The following ARHGAP19 variants were observed in gnomAD, a reference collection of about 807,000 sequenced individuals.
ARHGAP19 encodes the protein Rho GTPase activating protein 19.
In ARHGAP19, 48 loss-of-function variants were observed where a neutral mutation model predicts 60.9. That is an observed-to-expected ratio of 0.79 (90% CI 0.62 to 1.00). The LOEUF (loss-of-function observed/expected upper bound fraction) is 1.00, where lower values mean the gene tolerates loss of function less well. ARHGAP19 is among the 50% of genes least tolerant of loss of function. The probability of loss-of-function intolerance (pLI) is 0.00; values close to 1 mark genes in which losing one functional copy is unlikely to be tolerated. For synonymous variants in ARHGAP19, 209 were observed against 215.5 expected (o/e 0.97, Z 0.27); for missense variants, 562 against 597.2 (o/e 0.94, Z 0.61).
chr10:97,288,439 G>A (rs1463381487), intron 1 of ARHGAP19, among the ~76,000 whole-genome samples: 2 of 151,796 alleles, frequency 1.3e-5, no homozygotes, highest in African/African-American at 4.8e-5. Context: ...AATTAGTTGA[G>A]CGTGCTGGCA....
At chr10:97,268,306 T>C (rs1241368261) in intron 1 of ARHGAP19, among the ~76,000 whole-genome samples, 1 of 152,198 alleles carries the variant, frequency 6.6e-6, no homozygotes, top group Admixed American at 6.5e-5. Flanking sequence ...TCAAAGCTAT[T>C]CAACAAGTCT....
chr10:97,288,916 G>A (rs1352870798), intron 1 of ARHGAP19, among the ~76,000 whole-genome samples: 1 of 145,378 alleles, frequency 6.9e-6, no homozygotes, highest in Non-Finnish European at 1.5e-5. Context: ...CCGGATTCAA[G>A]CGATTCTCCT....
rs747383967 is a variant in ARHGAP19 at position 97,256,281 on chromosome 10, T to G, written c.927+37A>C. The G allele has an allele frequency of 1.1e-5, 17 of 1,500,166 alleles. No homozygotes were observed. In the East Asian group the frequency reaches 3.8e-4, roughly 34 times the overall value. 92.9% of individuals were successfully genotyped at this position (1,500,166 alleles called of 1,614,324 possible). A position where few individuals can be genotyped will look rare whatever the true frequency, so the allele number is the denominator to read the frequency against. Reference sequence around the variant, plus strand: ...AGGATCCCACCTTGCTCCATTTTCTTTGTCCTGTTACCAGCCAAATGCTAT... The same window carrying G: ...AGGATCCCACCTTGCTCCATTTTCTGTGTCCTGTTACCAGCCAAATGCTAT... On this transcript the variant is annotated intron_variant, in intron 6 of 11. Coordinates refer to ENST00000358531, the MANE Select transcript of ARHGAP19 (RefSeq NM_032900.6).
chr10:97,263,941 A>C (rs2134886658), intron 3 of ARHGAP19, among the ~76,000 whole-genome samples: 1 of 152,270 alleles, frequency 6.6e-6, no homozygotes, highest in East Asian at 1.9e-4. Context: ...TTGAAAAATA[A>C]ACTTTAAAAA....
rs373523293 is a variant in ARHGAP19 at position 97,240,497 on chromosome 10, C to CA, written c.1185+3470dup. ...CATAATCCCGTCTCTACTAAAAATA[C>CA]AAAATTAGCCAGGCATGGTGGTGCT... On this transcript the variant is annotated intron_variant, in intron 8 of 11. Coordinates refer to ENST00000358531, the MANE Select transcript of ARHGAP19 (RefSeq NM_032900.6). Among the ~76,000 whole-genome samples, 423 of 152,236 alleles carry CA rather than the reference C, an allele frequency of 2.8e-3. 2 individuals carry two copies. The highest frequency in any genetic ancestry group is 9.0e-3 in the African/African-American group (372 of 41,556).
At chr10:97,234,514 A>G (rs573243525) in intron 9 of ARHGAP19, among the ~76,000 whole-genome samples, 1 of 151,968 alleles carries the variant, frequency 6.6e-6, no homozygotes, top group Non-Finnish European at 1.5e-5. Context: ...TATAGCACTC[A>G]TCTCTCTCCA....
chr10:97,252,164 C>G (rs769559541), intron 6 of ARHGAP19, among the ~76,000 whole-genome samples: 5 of 151,934 alleles, frequency 3.3e-5, no homozygotes, highest in Admixed American at 6.6e-5. Flanking sequence ...AGGAACATAG[C>G]AAGACCTCAT....
chr10:97,286,327 C>G (rs575853772), intron 1 of ARHGAP19, among the ~76,000 whole-genome samples: 1 of 152,356 alleles, frequency 6.6e-6, no homozygotes, highest in African/African-American at 2.4e-5. Context: ...CACGGTGGCT[C>G]ACACCTGTAA....
intron 1 of ARHGAP19, among the ~76,000 whole-genome samples, chr10:97,281,879 C>CT (rs1843090145): frequency 6.6e-6 from 1 of 152,072 alleles, no homozygotes; most frequent in African/African-American, 2.4e-5. Context: ...ACTTAAGGTG[C>CT]TTTTTGGTTT....
In ARHGAP19 at chr10:97,244,186, A is replaced by G. The variant is rs758338795; in HGVS notation, c.994-27T>C. ...TAAGGAAAATTTAAAAGAAGAGTAA[A>G]TTAATATATCCTGCCAACTTTGTTT... is the stretch of plus-strand genomic sequence containing the variant. On this transcript the variant is annotated intron_variant, in intron 7 of 11. Coordinates refer to ENST00000358531, the MANE Select transcript of ARHGAP19 (RefSeq NM_032900.6). 3.2e-6 allele frequency: 5 copies of G among 1,556,234 alleles called. No individual in the cohort carries two copies. In the South Asian group the frequency reaches 4.8e-5, roughly 15 times the overall value.
At chr10:97,270,224 T>A (rs1304693708) in intron 1 of ARHGAP19, among the ~76,000 whole-genome samples, 1 of 152,244 alleles carries the variant, frequency 6.6e-6, no homozygotes, top group Non-Finnish European at 1.5e-5. Flanking sequence ...TGTCACACTT[T>A]AATTTCCTTA....
intron 10 of ARHGAP19, 71 bp from the exon 11 acceptor site, chr10:97,229,296 A>G: frequency 8.0e-7 from 1 of 1,245,060 alleles, no homozygotes; most frequent in South Asian, 1.2e-5. Context: ...TTACTAACAA[A>G]TGAATTATTT....
In ARHGAP19 at chr10:97,229,773, A is replaced by G. The variant is rs1296583173; in HGVS notation, c.1386T>C (p.Asn462=). The G allele has an allele frequency of 6.2e-7, 1 of 1,600,534 alleles. No homozygotes were observed. Among genetic ancestry groups the G allele is most frequent in the Non-Finnish European group, 8.6e-7 (1 of 1,169,444 alleles). The change falls in exon 10 of 12, where the codon AAT becomes AAC. Residue 462 remains asparagine, a synonymous_variant. Transcript: ENST00000358531. ...AAGAACAGTGTCTTACTAAGTTCCT[A>G]TTTTCTTTGCTGGTTCCCTTCAATT... ...IGELKGTSKE[N]RNLLFSGSPA...
At chr10:97,266,944 G>A (rs918603337) in intron 1 of ARHGAP19, among the ~76,000 whole-genome samples, 1 of 151,966 alleles carries the variant, frequency 6.6e-6, no homozygotes, top group African/African-American at 2.4e-5. Flanking sequence ...TTCTGCCCCG[G>A]CCCCTCCCAA....
chr10:97,244,687 C>G (rs114854303), intron 7 of ARHGAP19, among the ~76,000 whole-genome samples: 1 of 152,120 alleles, frequency 6.6e-6, no homozygotes, highest in East Asian at 1.9e-4. Flanking sequence ...CTAACAAAAA[C>G]CACACTCCAG....
intron 8 of ARHGAP19, among the ~76,000 whole-genome samples, chr10:97,240,985 T>C (rs1842470353): frequency 6.6e-6 from 1 of 152,150 alleles, no homozygotes; most frequent in Non-Finnish European, 1.5e-5. Flanking sequence ...TTTATAATCA[T>C]GGAGAAAAAA....
intron 1 of ARHGAP19, among the ~76,000 whole-genome samples, chr10:97,279,652 C>T (rs569123937): frequency 1.3e-5 from 2 of 152,190 alleles, no homozygotes; most frequent in East Asian, 1.9e-4. Flanking sequence ...ACAGCCACAC[C>T]TGGCTAATTT....
intron 6 of ARHGAP19, among the ~76,000 whole-genome samples, chr10:97,252,493 A>C (rs1400302359): frequency 6.6e-6 from 1 of 151,894 alleles, no homozygotes; most frequent in Non-Finnish European, 1.5e-5. Flanking sequence ...GCGTGGTGGC[A>C]GGTGCCTGTA....
intron 1 of ARHGAP19, among the ~76,000 whole-genome samples, chr10:97,283,486 G>A (rs529090867): frequency 3.3e-5 from 5 of 151,860 alleles, no homozygotes; most frequent in Admixed American, 1.3e-4. Flanking sequence ...CCCAGGAGAC[G>A]GAGGCTGCAG....
Sources: allele counts gnomAD v4.1 joint callset (sites outside exome capture counted in the v4.1 genomes callset), GRCh38; gene constraint gnomAD v4.1.1; transcripts MANE v1.5; gene names NCBI Gene and HGNC (gene_info 2026-07-23, HGNC 2026-07-21).